The following DOCK2 variants were observed in gnomAD, a reference collection of about 807,000 sequenced individuals.
DOCK2 encodes the protein dedicator of cytokinesis 2, also known as dedicator of cytokinesis protein 2.
In DOCK2, 87 loss-of-function variants were observed where a neutral mutation model predicts 248.9. That is an observed-to-expected ratio of 0.35 (90% CI 0.29 to 0.42). DOCK2 has a LOEUF of 0.42. Ranked by LOEUF, DOCK2 falls within the 10% of genes least tolerant of loss-of-function variation. The pLI is 1.00. For missense variants in DOCK2, 1,747 were observed against 2,300.2 expected, an observed-to-expected ratio of 0.76 and a Z score of 4.92; for synonymous variants, 805 against 821.6, an observed-to-expected ratio of 0.98 and a Z score of 0.35.
intron 23 of DOCK2, among the ~76,000 whole-genome samples, chr5:169,758,175 A>G (rs1362562039): frequency 1.3e-5 from 2 of 152,242 alleles, no homozygotes; most frequent in Non-Finnish European, 2.9e-5. Flanking sequence ...GGCAGTGGTT[A>G]GAAATGAAAA....
At position 170,057,571 on chromosome 5, in the gene DOCK2, C is replaced by T; in HGVS notation, c.4381-9C>T. The T allele has an allele frequency of 6.2e-7, 1 of 1,613,868 alleles. No homozygotes were observed. Among genetic ancestry groups the T allele is most frequent in the Non-Finnish European group, 8.5e-7 (1 of 1,179,764 alleles). Reference sequence around the variant, plus strand: ...TTCCTGCCCTTGCCACCCCTCTGCCCACGGACAGTCCATGTGGATTGAGAG... The same window carrying T: ...TTCCTGCCCTTGCCACCCCTCTGCCTACGGACAGTCCATGTGGATTGAGAG... On this transcript the variant is annotated splice_polypyrimidine_tract_variant and intron_variant, in intron 43 of 51. Coordinates refer to ENST00000520908, the MANE Select transcript of DOCK2 (RefSeq NM_004946.3).
chr5:169,859,836 C>T (rs1481921247), intron 27 of DOCK2, among the ~76,000 whole-genome samples: 1 of 152,172 alleles, frequency 6.6e-6, no homozygotes, highest in Non-Finnish European at 1.5e-5. Flanking sequence ...TATTTGATTC[C>T]ACACAACAAG....
At chr5:169,826,420 G>A (rs1006381001) in intron 26 of DOCK2, among the ~76,000 whole-genome samples, 1 of 151,958 alleles carries the variant, frequency 6.6e-6, no homozygotes, top group Non-Finnish European at 1.5e-5. Flanking sequence ...TCTCATCTCT[G>A]GGGGGGACGA....
intron 1 of DOCK2, among the ~76,000 whole-genome samples, chr5:169,637,968 G>A (rs1465555624): frequency 6.6e-6 from 1 of 152,126 alleles, no homozygotes; most frequent in Non-Finnish European, 1.5e-5. Context: ...GGGTAACCAA[G>A]AAGCTAGCTT....
chr5:169,816,770 G>A (rs966752706), intron 26 of DOCK2, among the ~76,000 whole-genome samples: 10 of 152,024 alleles, frequency 6.6e-5, no homozygotes, highest in Non-Finnish European at 1.2e-4. Flanking sequence ...CATGGACTGC[G>A]TAATCACAGC....
At chr5:169,645,776 C>T (rs978598111) in intron 1 of DOCK2, among the ~76,000 whole-genome samples, 4 of 152,040 alleles carry the variant, frequency 2.6e-5, no homozygotes, top group Non-Finnish European at 4.4e-5. Context: ...GAGACAGAGT[C>T]TCACTCTGTC....
At chr5:169,848,411 C>T (rs1421926642) in intron 27 of DOCK2, among the ~76,000 whole-genome samples, 2 of 152,216 alleles carry the variant, frequency 1.3e-5, no homozygotes, top group Non-Finnish European at 2.9e-5. Context: ...TCCTGTCTCA[C>T]AGGTCTTGGA....
chr5:169,833,621 G>A (rs987365053), intron 26 of DOCK2, among the ~76,000 whole-genome samples: 1 of 152,140 alleles, frequency 6.6e-6, no homozygotes, highest in Non-Finnish European at 1.5e-5. Context: ...GTTATTGAAG[G>A]TGTATTCAAT....
chr5:169,881,701 G>T (rs776047153), intron 27 of DOCK2, among the ~76,000 whole-genome samples: 2 of 152,162 alleles, frequency 1.3e-5, no homozygotes, highest in Non-Finnish European at 2.9e-5. Context: ...GAGGGATTCT[G>T]CAGGTGAGTG....
chr5:170,051,773 T>C (rs1756925692), intron 41 of DOCK2, among the ~76,000 whole-genome samples: 1 of 151,976 alleles, frequency 6.6e-6, no homozygotes, highest in Non-Finnish European at 1.5e-5. Context: ...ATTTGTTGAT[T>C]AATAGAAATA....
intron 28 of DOCK2, 108 bp downstream of exon 28, chr5:169,983,274 C>T: frequency 8.6e-7 from 1 of 1,158,700 alleles, no homozygotes; most frequent in Non-Finnish European, 1.3e-6. Context: ...CTAGATATGA[C>T]TTAACCAATA....
chr5:169,711,743 G>A (rs1053363407), intron 15 of DOCK2, among the ~76,000 whole-genome samples, 192 bp from the exon 16 acceptor site: 2 of 152,134 alleles, frequency 1.3e-5, no homozygotes, highest in South Asian at 2.1e-4. Context: ...ATTACATTTG[G>A]TACTTTATTT....
chr5:170,008,210 C>T (rs1432751390), intron 30 of DOCK2, among the ~76,000 whole-genome samples: 1 of 58,466 alleles, frequency 1.7e-5, no homozygotes, highest in African/African-American at 2.0e-4. Flanking sequence ...ACAACAACAA[C>T]AACAACAACA....
chr5:169,861,608 T>C (rs183712908), intron 27 of DOCK2, among the ~76,000 whole-genome samples: 6 of 152,378 alleles, frequency 3.9e-5, no homozygotes, highest in Admixed American at 6.5e-5. Flanking sequence ...ACAGCATTTC[T>C]GTAGAATATC....
At chr5:169,675,542 T>G (rs1487415391) in intron 6 of DOCK2, among the ~76,000 whole-genome samples, 1 of 152,016 alleles carries the variant, frequency 6.6e-6, no homozygotes, top group East Asian at 1.9e-4. Flanking sequence ...GAAGCAAGAG[T>G]TACTTTTAAT....
chr5:169,850,707 A>G (rs1031846039), intron 27 of DOCK2, among the ~76,000 whole-genome samples: 1 of 152,218 alleles, frequency 6.6e-6, no homozygotes, highest in East Asian at 1.9e-4. Context: ...TGGTGAACAC[A>G]TATCAGGGCA....
chr5:169,998,357 G>C (rs1754720217), intron 30 of DOCK2, among the ~76,000 whole-genome samples: 2 of 152,246 alleles, frequency 1.3e-5, no homozygotes, highest in South Asian at 4.1e-4. Flanking sequence ...GAGAGCACCA[G>C]CCTATGAGTA....
chr5:169,929,620 G>A (rs1775645329), intron 27 of DOCK2, among the ~76,000 whole-genome samples: 1 of 151,974 alleles, frequency 6.6e-6, no homozygotes, highest in East Asian at 1.9e-4. Context: ...GCACATGCCT[G>A]TAGTCCCTGC....
At chr5:169,921,874 A>G (rs531098939) in intron 27 of DOCK2, among the ~76,000 whole-genome samples, 15 of 152,228 alleles carry the variant, frequency 9.9e-5, no homozygotes, top group African/African-American at 3.6e-4. Flanking sequence ...CCTTTTACTG[A>G]AGGAACATAG....
Sources: allele counts gnomAD v4.1 joint callset (sites outside exome capture counted in the v4.1 genomes callset), GRCh38; gene constraint gnomAD v4.1.1; transcripts MANE v1.5; gene names NCBI Gene and HGNC (gene_info 2026-07-23, HGNC 2026-07-21).